Variants in CELF2 observed in about 807,000 individuals in gnomAD.
CELF2 encodes the protein CUG triplet repeat RNA-binding protein 2.
In CELF2, 8 loss-of-function variants were observed where a neutral mutation model predicts 62.6. The observed-to-expected ratio is 0.13, with a 90% CI of 0.07 to 0.23. The LOEUF is 0.23. CELF2 is among the 10% of genes least tolerant of loss of function. The pLI is 1.00. For missense variants in CELF2, 333 were observed against 671.0 expected, an observed-to-expected ratio of 0.50 and a Z score of 5.56; for synonymous variants, 258 against 250.0, an observed-to-expected ratio of 1.03 and a Z score of -0.30.
At chr10:11,147,731 T>G (rs1009277755) in intron 1 of CELF2, among the ~76,000 whole-genome samples, 1 of 152,260 alleles carries the variant, frequency 6.6e-6, no homozygotes, top group Non-Finnish European at 1.5e-5. Context: ...TAATAACGGT[T>G]TGCCGATTTT....
chr10:10,554,174 G>C, the CELF2 span, among the ~76,000 whole-genome samples: 1 of 152,098 alleles, frequency 6.6e-6, no homozygotes, highest in Non-Finnish European at 1.5e-5. Context: ...TTCAGCAATA[G>C]GTTAGATACT....
At chr10:11,231,436 T>C (rs2068605231) in intron 3 of CELF2, among the ~76,000 whole-genome samples, 1 of 151,988 alleles carries the variant, frequency 6.6e-6, no homozygotes, top group South Asian at 2.1e-4. Flanking sequence ...GGAAGCAGAG[T>C]GGGGCAAGAC....
the CELF2 span, among the ~76,000 whole-genome samples, chr10:10,639,146 A>C: frequency 6.6e-6 from 1 of 152,228 alleles, no homozygotes; most frequent in East Asian, 1.9e-4. Context: ...ATGTCCTAGA[A>C]ATATGTGCAA....
chr10:10,603,125 A>G, the CELF2 span, among the ~76,000 whole-genome samples: 2 of 151,818 alleles, frequency 1.3e-5, no homozygotes, highest in African/African-American at 4.8e-5. Flanking sequence ...TTCATTTTCT[A>G]TTATTTCTAA....
chr10:10,916,584 A>G (rs549860327), intron 1 of CELF2, among the ~76,000 whole-genome samples: 32 of 152,212 alleles, frequency 2.1e-4, no homozygotes, highest in Admixed American at 5.9e-4. Context: ...GCATAAATCC[A>G]CCCATAGTCC....
chr10:11,228,710 G>A (rs1156566529), intron 3 of CELF2, among the ~76,000 whole-genome samples: 1 of 119,650 alleles, frequency 8.4e-6, no homozygotes, highest in Admixed American at 1.0e-4. Flanking sequence ...CCCCACCCGC[G>A]CCCCTCGCAA....
At chr10:11,060,739 T>G (rs1313375880) in intron 1 of CELF2, among the ~76,000 whole-genome samples, 1 of 152,238 alleles carries the variant, frequency 6.6e-6, no homozygotes, top group East Asian at 1.9e-4. Flanking sequence ...TGTGCTCAGT[T>G]TGCATCTCTG....
At chr10:10,606,891 C>G in the CELF2 span, among the ~76,000 whole-genome samples, 2 of 152,254 alleles carry the variant, frequency 1.3e-5, no homozygotes, top group African/African-American at 2.4e-5. Context: ...AGGACTTAGA[C>G]TAGATATGTT....
chr10:11,222,946 C>T (rs781159719), intron 3 of CELF2, among the ~76,000 whole-genome samples: 9 of 152,184 alleles, frequency 5.9e-5, no homozygotes, highest in Admixed American at 3.3e-4. Context: ...ACCTTCCACA[C>T]GTACACCTGT....
At chr10:10,667,607 G>C in the CELF2 span, among the ~76,000 whole-genome samples, 1 of 152,176 alleles carries the variant, frequency 6.6e-6, no homozygotes, top group African/African-American at 2.4e-5. Context: ...ATCTGCAGGA[G>C]CAGTATTATT....
chr10:11,154,677 T>C (rs1431921040), intron 1 of CELF2, among the ~76,000 whole-genome samples: 1 of 152,252 alleles, frequency 6.6e-6, no homozygotes, highest in African/African-American at 2.4e-5. Flanking sequence ...ATGATATCAC[T>C]GTCATCTCTT....
intron 1 of CELF2, among the ~76,000 whole-genome samples, chr10:11,091,123 AT>A (rs1325695900): frequency 6.6e-6 from 1 of 152,220 alleles, no homozygotes; most frequent in Non-Finnish European, 1.5e-5. Flanking sequence ...CAGTAAGCCT[AT>A]GGTATGAATG....
At position 11,227,048 on chromosome 10, in the gene CELF2, G is replaced by A. The variant is rs76125598; in HGVS notation, c.354+9541G>A. On this transcript the variant is annotated intron_variant, in intron 3 of 12. Coordinates refer to ENST00000633077, the MANE Select transcript of CELF2 (RefSeq NM_001326342.2). This position sits in a 1 kb window ranked among gnomAD's most constrained non-coding sequence, Gnocchi z 4.8. ...TCCGTGTTCCACAGACAGGGGAAGGGCAAGTATGGAGGCTCACCCTGGAAG... is the reference window on the plus strand; with the variant it reads ...TCCGTGTTCCACAGACAGGGGAAGGACAAGTATGGAGGCTCACCCTGGAAG... Among the ~76,000 whole-genome samples, 389 of 152,268 alleles carry A rather than the reference G, an allele frequency of 2.6e-3. 8 individuals are homozygous for A. In the East Asian group the frequency reaches 0.07, roughly 27 times the overall value.
At chr10:10,818,758 A>G (rs1432599387) in intron 1 of CELF2, among the ~76,000 whole-genome samples, 1 of 151,846 alleles carries the variant, frequency 6.6e-6, no homozygotes, top group Non-Finnish European at 1.5e-5. Flanking sequence ...TGTGTTTTTT[A>G]GTAGAGATGG....
chr10:10,690,493 G>C, the CELF2 span, among the ~76,000 whole-genome samples: 2 of 151,996 alleles, frequency 1.3e-5, no homozygotes, highest in Non-Finnish European at 2.9e-5. Context: ...CAGAATGAAG[G>C]CACAAATGCC....
the CELF2 span, among the ~76,000 whole-genome samples, chr10:10,510,025 T>G: frequency 6.6e-6 from 1 of 152,256 alleles, no homozygotes; most frequent in African/African-American, 2.4e-5. Flanking sequence ...GGAGGGATTC[T>G]GGCTTCTGAA....
chr10:10,712,438 A>G, the CELF2 span, among the ~76,000 whole-genome samples: 1 of 152,030 alleles, frequency 6.6e-6, no homozygotes, highest in Admixed American at 6.6e-5. Context: ...GTTGTAGGCC[A>G]TTTTTTTCTA....
rs1187550314 is a variant in CELF2, at chr10:11,159,039, C to G, written c.75-6447C>G. Among the ~76,000 whole-genome samples the G allele has an allele frequency of 6.6e-6, 1 of 152,162 alleles. No individual in the cohort carries two copies. The highest frequency in any genetic ancestry group is 1.5e-5 in the Non-Finnish European group (1 of 68,032). The stretch of plus-strand genomic sequence containing the variant: ...GACAATTTGACCATTTAGAGAAGGG[C>G]TTTGACTTTGTAATGTTTAGGGTAT... On this transcript the variant is annotated intron_variant, in intron 1 of 12. Transcript: ENST00000633077. The surrounding 1 kb of genome is among the most constrained non-coding windows in gnomAD (Gnocchi z 5.0).
At chr10:11,167,273 A>G (rs888978391) in intron 2 of CELF2, among the ~76,000 whole-genome samples, 1 of 152,256 alleles carries the variant, frequency 6.6e-6, no homozygotes, top group Non-Finnish European at 1.5e-5. Flanking sequence ...AGCTAAAAAA[A>G]TTAATAAATT....
Sources: gnomAD v4.1 joint callset for allele counts (sites outside exome capture counted in the v4.1 genomes callset) on GRCh38, gnomAD v4.1.1 for gene constraint, Gnocchi (gnomAD v3.1) non-coding constraint, MANE v1.5 for transcripts, NCBI Gene and HGNC (gene_info 2026-07-23, HGNC 2026-07-21) for gene names.